Variants in CSMD1 observed in about 807,000 individuals in gnomAD.
CSMD1 encodes CUB and sushi domain-containing protein 1.
In CSMD1, 213 loss-of-function variants were observed where a neutral mutation model predicts 417.5. The ratio of observed to expected loss-of-function variants is 0.51; its 90% CI spans 0.46 to 0.57. CSMD1 has a LOEUF of 0.57. Among genes scored for constraint, CSMD1 ranks in the 20% least tolerant of loss-of-function variants. The pLI is 0.00. For missense variants in CSMD1, 6,923 were observed against 4,529.7 expected (o/e 1.53, Z -15.17); for synonymous variants, 2,862 against 1,736.8 (o/e 1.65, Z -16.11).
At chr8:4,262,452 T>G (rs1400963120) in intron 3 of CSMD1, among the ~76,000 whole-genome samples, 3 of 152,232 alleles carry the variant, frequency 2.0e-5, no homozygotes, top group Non-Finnish European at 4.4e-5. Context: ...CCCCGCGCAG[T>G]GCAGGCAAAG....
At chr8:4,349,820 CTTTTT>C (rs35007995) in intron 3 of CSMD1, among the ~76,000 whole-genome samples, 1 of 139,412 alleles carries the variant, frequency 7.2e-6, no homozygotes, top group African/African-American at 2.6e-5. Flanking sequence ...ATGATATGAC[CTTTTT>C]TTTTTTTTTT....
intron 1 of CSMD1, among the ~76,000 whole-genome samples, chr8:4,918,265 A>C (rs1475237639): frequency 6.6e-6 from 1 of 152,184 alleles, no homozygotes; most frequent in Admixed American, 6.5e-5. Flanking sequence ...GAAGCATGTG[A>C]GCTTTCTGGG....
At chr8:4,779,021 A>G (rs1026169380) in intron 1 of CSMD1, among the ~76,000 whole-genome samples, 7 of 152,216 alleles carry the variant, frequency 4.6e-5, no homozygotes, top group African/African-American at 1.7e-4. Flanking sequence ...CAATGACCAG[A>G]TTGATATATC....
intron 3 of CSMD1, among the ~76,000 whole-genome samples, chr8:4,191,182 G>A (rs1170689725): frequency 3.9e-5 from 6 of 152,248 alleles, no homozygotes; most frequent in East Asian, 1.9e-4. Flanking sequence ...GGATCACGAC[G>A]TCAGGAGATT....
chr8:4,205,876 C>T (rs1799949360), intron 3 of CSMD1, among the ~76,000 whole-genome samples: 1 of 152,114 alleles, frequency 6.6e-6, no homozygotes, highest in African/African-American at 2.4e-5. Flanking sequence ...AATGAACTTC[C>T]TATTATGCAC....
intron 68 of CSMD1, among the ~76,000 whole-genome samples, chr8:2,945,483 C>T (rs1029140062): frequency 1.6e-4 from 24 of 152,162 alleles, no homozygotes; most frequent in Admixed American, 1.3e-3. Flanking sequence ...AATCTTTTGC[C>T]TATATCTACA....
At chr8:3,963,907 T>C (rs146524850) in intron 5 of CSMD1, among the ~76,000 whole-genome samples, 73 of 152,334 alleles carry the variant, frequency 4.8e-4, no homozygotes, top group African/African-American at 1.5e-3. Flanking sequence ...TTCTAACTCA[T>C]TGTATCCCAA....
intron 25 of CSMD1, among the ~76,000 whole-genome samples, chr8:3,293,726 G>A (rs781449022): frequency 7.3e-5 from 11 of 151,092 alleles, no homozygotes; most frequent in Non-Finnish European, 1.0e-4. Context: ...TTAGCCATTC[G>A]TTTAATTTTT....
At chr8:4,134,110 TATAAGA>T (rs1434145675) in intron 3 of CSMD1, among the ~76,000 whole-genome samples, 3 of 152,226 alleles carry the variant, frequency 2.0e-5, no homozygotes, top group Non-Finnish European at 4.4e-5. Flanking sequence ...ATATTGCTGG[TATAAGA>T]ATATCAAATT....
At chr8:3,981,601 G>C (rs1423673782) in intron 5 of CSMD1, among the ~76,000 whole-genome samples, 2 of 144,672 alleles carry the variant, frequency 1.4e-5, no homozygotes, top group East Asian at 2.0e-4. Flanking sequence ...CCTTTAAATT[G>C]TATCAATTAG....
chr8:4,827,359 C>A (rs537411815), intron 1 of CSMD1, among the ~76,000 whole-genome samples: 1 of 152,288 alleles, frequency 6.6e-6, no homozygotes, highest in East Asian at 1.9e-4. Context: ...CTAAGACACA[C>A]AAAGCCCAGC....
chr8:4,125,790 T>C (rs1372609253), intron 3 of CSMD1, among the ~76,000 whole-genome samples: 10 of 150,968 alleles, frequency 6.6e-5, no homozygotes, highest in South Asian at 4.1e-4. Context: ...CCCTTATCAA[T>C]TGATCAATTG....
chr8:4,236,209 A>G (rs535159807), intron 3 of CSMD1, among the ~76,000 whole-genome samples: 1 of 152,186 alleles, frequency 6.6e-6, no homozygotes, highest in East Asian at 1.9e-4. Flanking sequence ...GTCTGCGGGA[A>G]TTCATAGATC....
intron 2 of CSMD1, among the ~76,000 whole-genome samples, chr8:4,605,877 G>A (rs757433432): frequency 6.6e-6 from 1 of 152,164 alleles, no homozygotes; most frequent in Non-Finnish European, 1.5e-5. Context: ...AAATGAGGCT[G>A]GAGTAGAGAC....
chr8:4,810,526 C>CGT (rs34993933), intron 1 of CSMD1, among the ~76,000 whole-genome samples: 45 of 151,502 alleles, frequency 3.0e-4, no homozygotes, highest in South Asian at 8.3e-4. Context: ...GTAAAATACA[C>CGT]GTGTGTGTGT....
chr8:4,436,174 T>A (rs1020551308), intron 2 of CSMD1, among the ~76,000 whole-genome samples: 2 of 152,180 alleles, frequency 1.3e-5, no homozygotes, highest in East Asian at 1.9e-4. Flanking sequence ...GATTTCAGTG[T>A]CTCATCTTAC....
intron 5 of CSMD1, among the ~76,000 whole-genome samples, chr8:3,995,356 A>C (rs1027027990): frequency 1.3e-5 from 2 of 151,224 alleles, no homozygotes; most frequent in Non-Finnish European, 3.0e-5. Context: ...TATTATGATA[A>C]ACATTAAATG....
chr8:4,392,438 G>T (rs186643222), intron 3 of CSMD1, among the ~76,000 whole-genome samples: 5 of 151,916 alleles, frequency 3.3e-5, no homozygotes, highest in Non-Finnish European at 7.4e-5. Context: ...GCCAAAGAAC[G>T]TAAACTTTTA....
chr8:4,332,212 C>T lies in CSMD1; in HGVS notation c.415+87741G>A, dbSNP rs576905409. Among the ~76,000 whole-genome samples, 3 of 152,120 alleles carry T rather than the reference C, an allele frequency of 2.0e-5. No homozygotes were observed. In the South Asian group the frequency reaches 6.2e-4, roughly 32 times the overall value. On this transcript the variant is annotated intron_variant, in intron 3 of 69. Coordinates refer to ENST00000635120, the MANE Select transcript of CSMD1 (RefSeq NM_033225.6). ...AATGAGGTTTGTGAGCAAACAGGTGCGGATCCCTCACGAAGCTAACGCTAG... is the reference window on the plus strand; with the variant it reads ...AATGAGGTTTGTGAGCAAACAGGTGTGGATCCCTCACGAAGCTAACGCTAG...
Sources: gnomAD v4.1 joint callset for allele counts (sites outside exome capture counted in the v4.1 genomes callset) on GRCh38, gnomAD v4.1.1 for gene constraint, MANE v1.5 for transcripts, NCBI Gene and HGNC (gene_info 2026-07-23, HGNC 2026-07-21) for gene names.